The following KAT5 variants were observed in gnomAD, a reference collection of about 807,000 sequenced individuals.
KAT5 encodes lysine acetyltransferase 5.
In KAT5, 31 loss-of-function variants were observed where a neutral mutation model predicts 68.1. That is an observed-to-expected ratio of 0.46 (90% confidence interval 0.34 to 0.61). KAT5 has a LOEUF of 0.61. Ranked by LOEUF, KAT5 falls within the 20% of genes least tolerant of loss-of-function variation. The pLI is 0.01. For missense variants in KAT5, 451 were observed against 725.5 expected (o/e 0.62, Z 4.35); for synonymous variants, 365 against 292.6 (o/e 1.25, Z -2.52).
In KAT5 at chr11:65,719,512, G is replaced by A. The variant is rs1283675707; in HGVS notation, c.*331G>A. On this transcript the variant is annotated 3_prime_UTR_variant, in exon 13 of 13. Coordinates refer to ENST00000341318, the MANE Select transcript of KAT5 (RefSeq NM_182710.3). ...TGATTGTAAAAATTTCTTTTGTAAA[G>A]TAGAAGTTGGGGGTGGGGTGGGTGC... 3.3e-6 allele frequency: 2 copies of A among 612,652 alleles called. No individual in the cohort carries two copies. The highest frequency in any genetic ancestry group is 5.7e-6 in the Non-Finnish European group (2 of 348,256). The allele number at this position is 612,652 out of a possible 1,614,324, so 38.0% of individuals were successfully genotyped here.
At chr11:65,716,458 C>T (rs1398784689) in intron 8 of KAT5, 1 of 584,710 alleles carries the variant, frequency 1.7e-6, no homozygotes, top group Non-Finnish European at 3.1e-6. Context: ...GACACCATCA[C>T]ACATCTGGCA....
chr11:65,712,278 T>G lies in KAT5; in HGVS notation c.11T>G (p.Val4Gly). The change falls in exon 1 of 13, where the codon GTG becomes GGG. Residue 4 changes from valine to glycine, a missense_variant. Val to Gly is a moderately radical substitution (Grantham distance 109, BLOSUM62 -3). Coordinates refer to ENST00000341318, the MANE Select transcript of KAT5 (RefSeq NM_182710.3). MAEVVSPVPGAGRR... is the reference protein window; with the variant it reads MAEGVSPVPGAGRR... ...GTGGAGGGAGGGAAGATGGCGGAGG[T>G]GGTGAGTCCGGTGCCCGGGGCGGGG... is the stretch of plus-strand genomic sequence containing the variant. 2.8e-6 allele frequency: 4 copies of G among 1,409,494 alleles called. No homozygotes were observed. Among genetic ancestry groups the G allele is most frequent in the Non-Finnish European group, 2.8e-6 (3 of 1,080,730 alleles). 87.3% of individuals were successfully genotyped at this position (1,409,494 alleles called of 1,614,324 possible). A position where few individuals can be genotyped will look rare whatever the true frequency, so the allele number is the denominator to read the frequency against.
intron 8 of KAT5, 32 bp downstream of exon 8, chr11:65,714,942 G>A (rs1480751570): frequency 6.3e-7 from 1 of 1,575,824 alleles, no homozygotes; most frequent in East Asian, 2.2e-5. Flanking sequence ...AGGCGCTGGG[G>A]TGAATCAAAT....
At chr11:65,712,700 G>A (rs1590959364) in intron 1 of KAT5, 66 bp from the exon 2 acceptor site, 1 of 1,569,882 alleles carries the variant, frequency 6.4e-7, no homozygotes, top group Admixed American at 1.7e-5. Flanking sequence ...GTGGAGTTCA[G>A]GTCGTGGAAG....
intron 6 of KAT5, chr11:65,714,209 T>C: frequency 1.9e-6 from 1 of 531,124 alleles, no homozygotes; most frequent in Non-Finnish European, 3.4e-6. Context: ...GCAGGAGAAC[T>C]GCTTGAACCC....
chr11:65,716,714 T>C lies in KAT5; in HGVS notation c.1077T>C (p.His359=). 1 of 1,613,578 alleles carries C rather than the reference T, an allele frequency of 6.2e-7. No homozygotes were observed. Among genetic ancestry groups the C allele is most frequent in the Non-Finnish European group, 8.5e-7 (1 of 1,179,478 alleles). ...TTTTGGCCAAGTGTTTCCTTGACCA[T>C]AAGACACTGTACTATGACACAGACC... ...LCLLAKCFLD[H]KTLYYDTDPF... The change falls in exon 9 of 13, where the codon CAT becomes CAC. Residue 359 remains histidine, a synonymous_variant. Coordinates refer to ENST00000341318, the MANE Select transcript of KAT5 (RefSeq NM_182710.3).
chr11:65,718,975 G>C, intron 12 of KAT5, 21 bp downstream of exon 12: 1 of 1,614,156 alleles, frequency 6.2e-7, no homozygotes, highest in Non-Finnish European at 8.5e-7. Flanking sequence ...AGGCAGGGGA[G>C]ACAGGTGTGT....
In KAT5 at chr11:65,719,509, A is replaced by G. The variant is rs1857325161; in HGVS notation, c.*328A>G. ...TGGTGATTGTAAAAATTTCTTTTGT[A>G]AAGTAGAAGTTGGGGGTGGGGTGGG... On this transcript the variant is annotated 3_prime_UTR_variant, in exon 13 of 13. Transcript: ENST00000341318. 4.9e-6 allele frequency: 3 copies of G among 611,186 alleles called. No individual in the cohort carries two copies. The highest frequency in any genetic ancestry group is 8.6e-6 in the Non-Finnish European group (3 of 347,366). 37.9% of individuals were successfully genotyped at this position (611,186 alleles called of 1,614,324 possible).
In KAT5 at chr11:65,719,539, G is replaced by A; in HGVS notation, c.*358G>A. ...AGAAGTTGGGGGTGGGGTGGGTGCT[G>A]GCTGCAAAAATTTCTGGCTTCTCTT... is the stretch of plus-strand genomic sequence containing the variant. On this transcript the variant is annotated 3_prime_UTR_variant, in exon 13 of 13. Transcript: ENST00000341318. The A allele has an allele frequency of 1.6e-6, 1 of 618,048 alleles. No homozygotes were observed. 38.3% of individuals were successfully genotyped at this position (618,048 alleles called of 1,614,324 possible).
chr11:65,712,190 G>C (rs575655201), upstream of KAT5: 10 of 1,353,558 alleles, frequency 7.4e-6, no homozygotes, highest in Admixed American at 1.1e-4. Context: ...GGCTTCGTGA[G>C]GCCCGGGCCC....
chr11:65,716,546 A>G (rs1333881995), intron 8 of KAT5, 121 bp from the exon 9 acceptor site: 3 of 938,262 alleles, frequency 3.2e-6, no homozygotes, highest in East Asian at 2.4e-5. Flanking sequence ...GCCAGGGAAG[A>G]ACACTCATCA....
At chr11:65,712,493 G>C (rs1857053658) in intron 1 of KAT5, 48 bp downstream of exon 1, 3 of 1,563,382 alleles carry the variant, frequency 1.9e-6, no homozygotes, top group Non-Finnish European at 2.6e-6. Flanking sequence ...GGCGAGGGGC[G>C]GGAGTCAACT....
chr11:65,715,986 T>G (rs1260074717), intron 8 of KAT5: 1 of 145,672 alleles, frequency 6.9e-6, no homozygotes, highest in Non-Finnish European at 1.5e-5. Context: ...ATTGCACCAC[T>G]GCACTCCAGC....
Position 65,716,775 on chromosome 11 carries a change from A to G in KAT5, c.1138A>G (p.Lys380Glu). The G allele has an allele frequency of 1.2e-6, 2 of 1,614,106 alleles. No individual in the cohort carries two copies. The highest frequency in any genetic ancestry group is 1.7e-6 in the Non-Finnish European group (2 of 1,179,966). ...LFYVMTEYDC[K>E]GFHIVGYFSK... ...CTACGTCATGACAGAGTATGACTGT[A>G]AGGGCTTCCACATCGTGGGCTACTT... is the stretch of plus-strand genomic sequence containing the variant. The change falls in exon 9 of 13, where the codon AAG becomes GAG. Residue 380 changes from lysine to glutamate, a missense_variant. By Grantham distance (56) the Lys-to-Glu change is moderately conservative (BLOSUM62 1). Transcript: ENST00000341318.
intron 3 of KAT5, 117 bp downstream of exon 3, chr11:65,713,175 C>T (rs1315031878): frequency 1.8e-5 from 25 of 1,425,962 alleles, no homozygotes; most frequent in Non-Finnish European, 2.0e-5. Flanking sequence ...CTTCATCTTG[C>T]AAAGGATGGG....
intron 1 of KAT5, 127 bp downstream of exon 1, chr11:65,712,572 G>A (rs1288841712): frequency 7.8e-7 from 1 of 1,280,888 alleles, no homozygotes; most frequent in Non-Finnish European, 1.1e-6. Flanking sequence ...TTGATGAAGG[G>A]GCGTGGCTCT....
At chr11:65,714,145 A>G (rs1054911487) in intron 6 of KAT5, 26 of 508,000 alleles carry the variant, frequency 5.1e-5, no homozygotes, top group Admixed American at 1.4e-4. Flanking sequence ...CTAGAAATAC[A>G]AAAATTAGCC....
Position 65,712,754 on chromosome 11 carries a change from C to A in KAT5, c.179-12C>A, listed in dbSNP as rs4645913. The A allele has an allele frequency of 1.9e-6, 3 of 1,613,670 alleles. No individual in the cohort carries two copies. In the African/African-American group the frequency reaches 4.0e-5, roughly 22 times the overall value. On this transcript the variant is annotated splice_polypyrimidine_tract_variant and intron_variant, in intron 1 of 12. Transcript: ENST00000341318. ...GGCCTGTCTAAGGCCCCTGTCTATG[C>A]TATTCTCATAGCCCTGGCCGAGATC...
intron 6 of KAT5, chr11:65,714,116 T>C (rs1231002876): frequency 7.6e-6 from 4 of 528,044 alleles, no homozygotes; most frequent in East Asian, 6.8e-5. Context: ...CTGGCCAACA[T>C]GGTGAAACCT....
Sources: gnomAD v4.1 joint callset for allele counts on GRCh38, gnomAD v4.1.1 for gene constraint, MANE v1.5 for transcripts, NCBI Gene and HGNC (gene_info 2026-07-23, HGNC 2026-07-21) for gene names.